The following ARL17A variants were observed in gnomAD, a reference collection of about 807,000 sequenced individuals.
ARL17A encodes the protein ADP-ribosylation factor-like 17-like.
At chr17:46,543,548 C>A (rs1325383324) in intron 3 of ARL17A, among the ~76,000 whole-genome samples, 1 of 150,964 alleles carries the variant, frequency 6.6e-6, no homozygotes, top group Middle Eastern at 3.4e-3. Flanking sequence ...TGATGATAGT[C>A]CTCTGGTTAT....
chr17:46,548,809 G>C, downstream of ARL17A: 1 of 1,612,064 alleles, frequency 6.2e-7, no homozygotes, highest in Admixed American at 1.7e-5. Context: ...GCAGGGGCCT[G>C]AGAAGTTAGC....
chr17:46,539,212 GAAAAAAAAAA>G (rs1166753209), intron 3 of ARL17A, among the ~76,000 whole-genome samples: 15 of 40,030 alleles, frequency 3.7e-4, no homozygotes, highest in Non-Finnish European at 6.7e-5. Flanking sequence ...CTCCATCTCA[GAAAAAAAAAA>G]AAAAAAAAAA....
At chr17:46,530,359 T>G (rs1310775265) in intron 4 of ARL17A, among the ~76,000 whole-genome samples, 1 of 142,804 alleles carries the variant, frequency 7.0e-6, no homozygotes, top group Non-Finnish European at 1.5e-5. Context: ...TAACCAGTCA[T>G]GTGGCACTCA....
chr17:46,501,964 A>G, the ARL17A span, among the ~76,000 whole-genome samples: 1 of 151,332 alleles, frequency 6.6e-6, no homozygotes, highest in Admixed American at 6.6e-5. Flanking sequence ...ATTACCTGTG[A>G]AATATTATTT....
downstream of ARL17A, chr17:46,548,718 C>T: frequency 6.2e-7 from 1 of 1,609,674 alleles, no homozygotes; most frequent in Non-Finnish European, 8.5e-7. Context: ...AACAGGGTGC[C>T]CAGGCATCTG....
chr17:46,501,062 A>T, the ARL17A span, among the ~76,000 whole-genome samples: 1 of 151,304 alleles, frequency 6.6e-6, no homozygotes, highest in African/African-American at 2.5e-5. Flanking sequence ...GGTACTTTTT[A>T]AAATTTTTTT....
At chr17:46,558,274 G>C (rs990672660) in intron 3 of ARL17A, among the ~76,000 whole-genome samples, 1 of 108,254 alleles carries the variant, frequency 9.2e-6, no homozygotes, top group Non-Finnish European at 1.8e-5. Context: ...TGGTCAGGCT[G>C]GTCTCGAACT....
chr17:46,537,293 C>T (rs1436258332), intron 4 of ARL17A, among the ~76,000 whole-genome samples: 1 of 1,326 alleles, frequency 7.5e-4, no homozygotes, highest in Non-Finnish European at 1.1e-3. Context: ...CTCAGCCTCC[C>T]GAGTAGCTGG....
At chr17:46,548,670 G>C (rs1863116), downstream of ARL17A, 9 of 1,602,466 alleles carry the variant, frequency 5.6e-6, no homozygotes, top group East Asian at 1.3e-4. Context: ...TCCAGAAAAG[G>C]CACTTCAAAG....
chr17:46,543,668 C>G (rs1250989669), intron 3 of ARL17A, among the ~76,000 whole-genome samples: 2 of 150,864 alleles, frequency 1.3e-5, no homozygotes, highest in African/African-American at 5.0e-5. Flanking sequence ...AATGTATAGA[C>G]ATACACACAC....
chr17:46,533,914 A>G (rs1372988681), intron 4 of ARL17A, among the ~76,000 whole-genome samples: 1 of 113,544 alleles, frequency 8.8e-6, no homozygotes, highest in Non-Finnish European at 1.7e-5. Context: ...TTTCTCTTCA[A>G]TTTCAAAGGT....
chr17:46,542,808 C>A (rs1316786368), intron 3 of ARL17A, among the ~76,000 whole-genome samples: 33 of 150,720 alleles, frequency 2.2e-4, no homozygotes, highest in African/African-American at 7.7e-4. Flanking sequence ...CCACCAGCCC[C>A]CACAATATGG....
chr17:46,549,040 G>A (rs547525816), downstream of ARL17A: 43 of 1,612,230 alleles, frequency 2.7e-5, 1 homozygote, highest in East Asian at 9.6e-4. Flanking sequence ...AATCGTACAT[G>A]CCAGAAAAAA....
At chr17:46,501,584 T>G in the ARL17A span, among the ~76,000 whole-genome samples, 1 of 151,268 alleles carries the variant, frequency 6.6e-6, no homozygotes, top group East Asian at 1.9e-4. Flanking sequence ...AGTCACAAAC[T>G]GCCTATTTGG....
chr17:46,550,331 C>G (rs1351729363), downstream of ARL17A: 30 of 371,156 alleles, frequency 8.1e-5, no homozygotes, highest in Non-Finnish European at 1.3e-4. Flanking sequence ...TAAAAAAGAA[C>G]CTGTCAGCTA....
chr17:46,543,284 A>T (rs2055727449), intron 3 of ARL17A, among the ~76,000 whole-genome samples: 1 of 150,472 alleles, frequency 6.6e-6, no homozygotes, highest in Non-Finnish European at 1.5e-5. Context: ...ATGTGTAATG[A>T]TCTTTCATGT....
chr17:46,535,013 C>T (rs1451492370), intron 4 of ARL17A, among the ~76,000 whole-genome samples: 49 of 150,078 alleles, frequency 3.3e-4, no homozygotes, highest in Non-Finnish European at 5.9e-4. Context: ...GACAGGGTCG[C>T]GGCCGGGCAG....
chr17:46,502,521 C>G, the ARL17A span, among the ~76,000 whole-genome samples: 1 of 150,842 alleles, frequency 6.6e-6, no homozygotes, highest in Non-Finnish European at 1.5e-5. Flanking sequence ...AGGCTGGTCT[C>G]GAACTCCTGA....
chr17:46,544,849 C>G (rs1356070681), intron 3 of ARL17A, among the ~76,000 whole-genome samples: 6 of 129,782 alleles, frequency 4.6e-5, no homozygotes, highest in Middle Eastern at 3.6e-3. Context: ...AGTACAGAAT[C>G]CAATCAAAGA....
Sources: allele counts gnomAD v4.1 joint callset (sites outside exome capture counted in the v4.1 genomes callset), GRCh38; gene constraint gnomAD v4.1.1; transcripts MANE v1.5; gene names NCBI Gene and HGNC (gene_info 2026-07-23, HGNC 2026-07-21).